The following CEP192 variants were observed in gnomAD, a reference collection of about 807,000 sequenced individuals.
The protein encoded by CEP192 is centrosomal protein 192, also known as centrosomal protein of 192 kDa.
In CEP192, 151 loss-of-function variants were observed where a neutral mutation model predicts 271.8. The observed-to-expected ratio is 0.56, with a 90% CI of 0.49 to 0.64. The LOEUF (loss-of-function observed/expected upper bound fraction) is 0.64, where lower values mean the gene tolerates loss of function less well. CEP192 is among the 30% of genes least tolerant of loss of function. The probability of loss-of-function intolerance (pLI) is 0.00; values close to 1 mark genes in which losing one functional copy is unlikely to be tolerated. For missense variants in CEP192, 2,910 were observed against 3,020.5 expected, an observed-to-expected ratio of 0.96 and a Z score of 0.86; for synonymous variants, 995 against 1,076.5, an observed-to-expected ratio of 0.92 and a Z score of 1.48.
rs1376758932 is a variant in CEP192 at position 13,104,980 on chromosome 18, G to T, written c.6952-4G>T. 1 of 1,604,456 alleles carries T rather than the reference G, an allele frequency of 6.2e-7. No individual in the cohort carries two copies. Among genetic ancestry groups the T allele is most frequent in the Non-Finnish European group, 8.5e-7 (1 of 1,171,186 alleles). ...TTTAATTTGTTTAAATGATTGCTTT[G>T]CAGGGAGTTGATGAAAGTGGAGATG... On this transcript the variant is annotated splice_region_variant and splice_polypyrimidine_tract_variant and intron_variant, in intron 39 of 44. Transcript: ENST00000506447.
chr18:13,008,548 C>G lies in CEP192; in HGVS notation c.383C>G (p.Pro128Arg), dbSNP rs900332091. 6.4e-7 allele frequency: 1 copy of G among 1,551,584 alleles called. No individual in the cohort carries two copies. Among genetic ancestry groups the G allele is most frequent in the Admixed American group, 2.0e-5 (1 of 51,000 alleles). ...QSALQMETAG[P>R]EEEPAGATES... ...GCTTTACAAATGGAGACAGCAGGACCAGAAGAGGAGCCAGCCGGAGCTACA... is the reference window on the plus strand; with the variant it reads ...GCTTTACAAATGGAGACAGCAGGACGAGAAGAGGAGCCAGCCGGAGCTACA... Residue 128 changes from proline (P) to arginine (R), a missense_variant, in exon 4 of 45, where the codon CCA becomes CGA. Coordinates refer to ENST00000506447, the MANE Select transcript of CEP192 (RefSeq NM_032142.4).
chr18:13,030,683 G>A, intron 11 of CEP192, 75 bp downstream of exon 11: 2 of 1,186,506 alleles, frequency 1.7e-6, no homozygotes, highest in South Asian at 1.5e-5. Context: ...TGTATATGTT[G>A]GTCAGCCACA....
intron 40 of CEP192, among the ~76,000 whole-genome samples, chr18:13,106,547 C>G (rs1317058866): frequency 2.7e-5 from 4 of 148,194 alleles, no homozygotes; most frequent in South Asian, 2.2e-4. Flanking sequence ...TCCCCCATCT[C>G]CCACACAACC....
At chr18:13,041,958 G>A (rs565850778) in intron 14 of CEP192, among the ~76,000 whole-genome samples, 1 of 152,318 alleles carries the variant, frequency 6.6e-6, no homozygotes, top group South Asian at 2.1e-4. Context: ...GTATTTGCAA[G>A]GGAAAGATTA....
intron 44 of CEP192, among the ~76,000 whole-genome samples, chr18:13,119,732 T>A (rs1430194811): frequency 2.6e-5 from 4 of 152,124 alleles, no homozygotes; most frequent in African/African-American, 9.7e-5. Context: ...AGAGTGAAAT[T>A]CTGTCTCAAA....
intron 5 of CEP192, among the ~76,000 whole-genome samples, chr18:13,015,015 T>TTGTGTTGC (rs1390074257): frequency 1.3e-5 from 2 of 152,194 alleles, no homozygotes; most frequent in Non-Finnish European, 2.9e-5. Context: ...CTCGTAAGCC[T>TTGTGTTGC]TGTGTTGCTC....
chr18:13,011,274 G>A (rs1295223592), intron 4 of CEP192, among the ~76,000 whole-genome samples: 1 of 151,454 alleles, frequency 6.6e-6, no homozygotes, highest in Non-Finnish European at 1.5e-5. Flanking sequence ...ATGAGATGCT[G>A]CTTCACACTC....
In CEP192 at chr18:13,117,678, C is replaced by T. The variant is rs186681665; in HGVS notation, c.7475+35C>T. 62 of 1,528,588 alleles carry T rather than the reference C, an allele frequency of 4.1e-5. No individual in the cohort carries two copies. In the Middle Eastern group the frequency reaches 6.8e-4, roughly 17 times the overall value. The allele number at this position is 1,528,588 out of a possible 1,614,324, so 94.7% of individuals were successfully genotyped here. A position where few individuals can be genotyped will look rare whatever the true frequency, so the allele number is the denominator to read the frequency against. On this transcript the variant is annotated intron_variant, in intron 44 of 44. Coordinates refer to ENST00000506447, the MANE Select transcript of CEP192 (RefSeq NM_032142.4). ...TCGCAGATCACAGTGTTCTCATCAG[C>T]GATGCAGGACTTTCGTCTCTTGGGA...
chr18:13,068,217 C>G lies in CEP192; in HGVS notation c.4738C>G (p.Pro1580Ala). 1 of 1,614,180 alleles carries G rather than the reference C, an allele frequency of 6.2e-7. No individual in the cohort carries two copies. Among genetic ancestry groups the G allele is most frequent in the Non-Finnish European group, 8.5e-7 (1 of 1,180,034 alleles). The change falls in exon 23 of 45, where the codon CCT becomes GCT. Residue 1580 changes from proline to alanine, a missense_variant. Transcript: ENST00000506447. Reference protein sequence around the residue: ...AGPSVVNHMMPASYDGQDPEF... With the variant: ...AGPSVVNHMMAASYDGQDPEF... ...CCCTTCTGTGGTCAACCACATGATG[C>G]CTGCTAGTTATGATGGACAGGTGGG...
chr18:13,022,060 G>A (rs764432794), intron 9 of CEP192, among the ~76,000 whole-genome samples: 2 of 152,032 alleles, frequency 1.3e-5, no homozygotes, highest in Non-Finnish European at 1.5e-5. Context: ...AAGGTGTAAT[G>A]TCTTTTTTGA....
intron 31 of CEP192, 63 bp from the exon 32 acceptor site, chr18:13,087,468 A>G: frequency 9.9e-7 from 1 of 1,008,006 alleles, no homozygotes; most frequent in Non-Finnish European, 1.4e-6. Context: ...AGATTGTTGA[A>G]TCAGATTGAA....
chr18:13,042,247 A>C lies in CEP192; in HGVS notation c.1980A>C (p.Ser660=). The change falls in exon 15 of 45, where the codon TCA becomes TCC. Residue 660 remains serine (S), a synonymous_variant. Coordinates refer to ENST00000506447, the MANE Select transcript of CEP192 (RefSeq NM_032142.4). The part of the protein sequence containing the change: ...EQSQAQLSEG[S]ITLQVEAVES... ...CCCAGGCACAGCTAAGTGAAGGATC[A>C]ATTACACTTCAGGTTGAAGCAGTAG... is the stretch of plus-strand genomic sequence containing the variant. 6.2e-7 allele frequency: 1 copy of C among 1,612,996 alleles called. No homozygotes were observed.
intron 3 of CEP192, among the ~76,000 whole-genome samples, chr18:13,007,729 G>A (rs745806552): frequency 3.9e-5 from 6 of 152,172 alleles, no homozygotes; most frequent in Non-Finnish European, 7.3e-5. Context: ...GTAAATTGTA[G>A]TTAGGGTTGG....
At chr18:13,069,708 A>G in intron 26 of CEP192, 30 bp from the exon 27 acceptor site, 1 of 1,312,310 alleles carries the variant, frequency 7.6e-7, no homozygotes, top group Non-Finnish European at 1.1e-6. Context: ...GTAAGTCGGC[A>G]TTCAATTATG....
chr18:13,012,295 T>A (rs11661322), intron 4 of CEP192, among the ~76,000 whole-genome samples: 69,569 of 151,970 alleles, frequency 0.46, 16,177 homozygotes, highest in Middle Eastern at 0.56. Context: ...ATATATTAAT[T>A]GTATGTATCA....
intron 11 of CEP192, among the ~76,000 whole-genome samples, chr18:13,034,150 C>T (rs144151304): frequency 4.6e-5 from 7 of 151,844 alleles, no homozygotes; most frequent in South Asian, 4.2e-4. Flanking sequence ...AAAATGATAA[C>T]GGAAAGATTG....
Position 13,037,357 on chromosome 18 carries a change from T to C in CEP192, c.1599+56T>C. Reference sequence around the variant, plus strand: ...AAAATTTTTCCTGTATTAGTGTAAGTGTAGGCACAGTGTTCATTTCTTTCT... The same window carrying C: ...AAAATTTTTCCTGTATTAGTGTAAGCGTAGGCACAGTGTTCATTTCTTTCT... On this transcript the variant is annotated intron_variant, in intron 12 of 44. Coordinates refer to ENST00000506447, the MANE Select transcript of CEP192 (RefSeq NM_032142.4). The C allele has an allele frequency of 7.0e-6, 5 of 712,478 alleles. No homozygotes were observed. In the Admixed American group the frequency reaches 9.8e-5, roughly 14 times the overall value. The allele number at this position is 712,478 out of a possible 1,614,324, so 44.1% of individuals were successfully genotyped here. A position where few individuals can be genotyped will look rare whatever the true frequency, so the allele number is the denominator to read the frequency against.
chr18:13,088,348 G>A (rs957670684), intron 32 of CEP192, among the ~76,000 whole-genome samples: 2 of 152,144 alleles, frequency 1.3e-5, no homozygotes, highest in African/African-American at 4.8e-5. Flanking sequence ...TACTTTGGAG[G>A]CTGAGGTGGG....
chr18:13,052,904 A>AC lies in CEP192; in HGVS notation c.3018-14dup. 7.0e-7 allele frequency: 1 copy of AC among 1,434,176 alleles called. No individual in the cohort carries two copies. Among genetic ancestry groups the AC allele is most frequent in the East Asian group, 2.7e-5 (1 of 36,874 alleles). The allele number at this position is 1,434,176 out of a possible 1,614,324, so 88.8% of individuals were successfully genotyped here. A position where few individuals can be genotyped will look rare whatever the true frequency, so the allele number is the denominator to read the frequency against. On this transcript the variant is annotated splice_polypyrimidine_tract_variant and intron_variant, in intron 17 of 44. Transcript: ENST00000506447. ...GACTGGAGAACTCCAGGTGTGAGCT[A>AC]CTCTTCTCTTTCAGGTGTGCGTTAG... is the stretch of plus-strand genomic sequence containing the variant.
Sources: gnomAD v4.1 joint callset for allele counts (sites outside exome capture counted in the v4.1 genomes callset) on GRCh38, gnomAD v4.1.1 for gene constraint, MANE v1.5 for transcripts, NCBI Gene and HGNC (gene_info 2026-07-23, HGNC 2026-07-21) for gene names.